MEGF6: variants seen among roughly 807,000 people sequenced by gnomAD.
MEGF6 encodes the protein multiple EGF like domains 6.
In MEGF6, 184 loss-of-function variants were observed where a neutral mutation model predicts 207.1. That is an observed-to-expected ratio of 0.89 (90% confidence interval 0.79 to 1.00). The LOEUF is 1.00. Ranked by LOEUF, MEGF6 falls within the 50% of genes least tolerant of loss-of-function variation. MEGF6 has a pLI of 0.00. For synonymous variants in MEGF6, 1,038 were observed against 910.0 expected, an observed-to-expected ratio of 1.14 and a Z score of -2.53; for missense variants, 2,282 against 2,202.9, an observed-to-expected ratio of 1.04 and a Z score of -0.72.
At chr1:3,539,416 T>C (rs920895661) in intron 4 of MEGF6, among the ~76,000 whole-genome samples, 1 of 152,006 alleles carries the variant, frequency 6.6e-6, no homozygotes, top group Admixed American at 6.5e-5. Flanking sequence ...GGGTCTCTCC[T>C]TCCTAGGAAC....
At chr1:3,585,389 A>G (rs1643878612) in intron 3 of MEGF6, among the ~76,000 whole-genome samples, 1 of 133,274 alleles carries the variant, frequency 7.5e-6, no homozygotes. Flanking sequence ...GTCTGGACGC[A>G]TGTCCTGTGT....
upstream of MEGF6, among the ~76,000 whole-genome samples, chr1:3,615,567 G>A (rs190335710): frequency 2.6e-4 from 39 of 152,208 alleles, no homozygotes; most frequent in African/African-American, 8.0e-4. Flanking sequence ...GTACAGACCC[G>A]GTGAGTCATC....
At chr1:3,592,702 C>G (rs1033765825) in intron 3 of MEGF6, among the ~76,000 whole-genome samples, 1 of 152,200 alleles carries the variant, frequency 6.6e-6, no homozygotes, top group African/African-American at 2.4e-5. Context: ...TGACTCCTAC[C>G]CACCCACCGC....
At chr1:3,552,476 C>G (rs537082744) in intron 4 of MEGF6, among the ~76,000 whole-genome samples, 1 of 152,362 alleles carries the variant, frequency 6.6e-6, no homozygotes, top group East Asian at 1.9e-4. Flanking sequence ...GCCGGAGGAT[C>G]TATTGAGGCC....
chr1:3,496,894 C>G, intron 28 of MEGF6, 94 bp downstream of exon 28: 2 of 1,523,502 alleles, frequency 1.3e-6, no homozygotes, highest in East Asian at 2.5e-5. Flanking sequence ...CTTCCACCCC[C>G]TCAGATGAGG....
At chr1:3,536,383 C>T (rs1454526883) in intron 4 of MEGF6, among the ~76,000 whole-genome samples, 1 of 152,238 alleles carries the variant, frequency 6.6e-6, no homozygotes, top group African/African-American at 2.4e-5. Context: ...CCGTCCAGGT[C>T]CCCACAACCT....
intron 3 of MEGF6, among the ~76,000 whole-genome samples, chr1:3,586,326 C>A (rs767790726): frequency 6.6e-6 from 1 of 152,344 alleles, no homozygotes; most frequent in South Asian, 2.1e-4. Context: ...GCCTTGTGCA[C>A]GCTCGAGTGA....
At chr1:3,605,441 C>T (rs1423955855) in intron 1 of MEGF6, among the ~76,000 whole-genome samples, 1 of 151,966 alleles carries the variant, frequency 6.6e-6, no homozygotes, top group African/African-American at 2.4e-5. Context: ...CAAAATCACA[C>T]ACCCTCATAC....
At chr1:3,592,364 C>T (rs1643993703) in intron 3 of MEGF6, among the ~76,000 whole-genome samples, 1 of 152,144 alleles carries the variant, frequency 6.6e-6, no homozygotes, top group African/African-American at 2.4e-5. Context: ...TCCGGGCTCC[C>T]AGGCAGCCCC....
At chr1:3,540,533 C>G (rs570770230) in intron 4 of MEGF6, among the ~76,000 whole-genome samples, 1 of 152,212 alleles carries the variant, frequency 6.6e-6, no homozygotes, top group Non-Finnish European at 1.5e-5. Context: ...TCTTTCCCTG[C>G]GAGGGCAGCC....
At chr1:3,526,012 T>A (rs1641947969) in intron 4 of MEGF6, among the ~76,000 whole-genome samples, 1 of 152,188 alleles carries the variant, frequency 6.6e-6, no homozygotes, top group Admixed American at 6.5e-5. Flanking sequence ...GCTGGGCCCC[T>A]GCCAGCTGGC....
At chr1:3,564,873 C>T (rs1204238685) in intron 4 of MEGF6, among the ~76,000 whole-genome samples, 2 of 152,194 alleles carry the variant, frequency 1.3e-5, no homozygotes, top group African/African-American at 2.4e-5. Context: ...GCCATCCCCA[C>T]TACCACGGTC....
rs1371729590 is a variant in MEGF6, at chr1:3,496,722, GC to G, written c.3674del (p.Gly1225AlafsTer49). On this transcript the variant is annotated frameshift_variant, in exon 29 of 37. Coordinates refer to ENST00000356575, the MANE Select transcript of MEGF6 (RefSeq NM_001409.4). LOFTEE classifies it high-confidence loss of function. ...CEQLCGCLNGGSCDAATGACR... is the reference protein window; with the variant it reads ...CEQLCGCLNGXSCDAATGACR... Reference sequence around the variant, plus strand: ...AGGCCCCCGTGGCCGCATCACAGGAGCCCCCGTTGAGACACCCACACAGCTG... The same window carrying G: ...AGGCCCCCGTGGCCGCATCACAGGAGCCCCGTTGAGACACCCACACAGCTG... 3 of 1,558,642 alleles carry G rather than the reference GC, an allele frequency of 1.9e-6. No individual in the cohort carries two copies. The highest frequency in any genetic ancestry group is 2.6e-6 in the Non-Finnish European group (3 of 1,152,030).
intron 4 of MEGF6, among the ~76,000 whole-genome samples, chr1:3,579,026 C>T (rs1643726966): frequency 6.6e-6 from 1 of 152,276 alleles, no homozygotes; most frequent in Non-Finnish European, 1.5e-5. Flanking sequence ...TCTGCCCTGG[C>T]ATCTGCCTGG....
intron 24 of MEGF6, 78 bp downstream of exon 24, chr1:3,499,060 G>A (rs1036359776): frequency 6.5e-7 from 1 of 1,546,794 alleles, no homozygotes; most frequent in South Asian, 1.2e-5. Context: ...GGCACCAAGT[G>A]TCCTGTGGGC....
intron 4 of MEGF6, among the ~76,000 whole-genome samples, chr1:3,533,535 A>G (rs1180542541): frequency 6.6e-6 from 1 of 152,212 alleles, no homozygotes; most frequent in East Asian, 1.9e-4. Flanking sequence ...ACAGCCCAAC[A>G]GGGCCTCAGC....
chr1:3,623,617 C>A, the MEGF6 span: 1 of 152,280 alleles, frequency 6.6e-6, no homozygotes, highest in African/African-American at 2.4e-5. Context: ...AGTGCACCCG[C>A]TGTGGTGCAA....
intron 17 of MEGF6, among the ~76,000 whole-genome samples, chr1:3,504,160 G>A (rs544052809): frequency 6.6e-6 from 1 of 151,992 alleles, no homozygotes; most frequent in East Asian, 1.9e-4. Context: ...GAGGGGGCTG[G>A]CGCCGGGCTT....
In MEGF6 at chr1:3,573,684, C is replaced by T. The variant is rs541211780; in HGVS notation, c.481+6141G>A. On this transcript the variant is annotated intron_variant, in intron 4 of 36. Transcript: ENST00000356575. This position sits in a 1 kb window ranked among gnomAD's most constrained non-coding sequence, Gnocchi z 5.1. ...GCCCCAGAGCCCGCCCTTCCAGGAG[C>T]CCCGTCCTCCCCTCCCACCACTCCC... is the stretch of plus-strand genomic sequence containing the variant. Among the ~76,000 whole-genome samples the T allele has an allele frequency of 3.1e-3, 470 of 152,254 alleles. 19 individuals are homozygous for T. In the South Asian group the frequency reaches 0.096, roughly 31 times the overall value.
Sources: allele counts gnomAD v4.1 joint callset (sites outside exome capture counted in the v4.1 genomes callset), GRCh38; gene constraint gnomAD v4.1.1; non-coding constraint Gnocchi (gnomAD v3.1); transcripts MANE v1.5; gene names NCBI Gene and HGNC (gene_info 2026-07-23, HGNC 2026-07-21).